ANTXR1: variants seen among roughly 807,000 people sequenced by gnomAD.
The protein encoded by ANTXR1 is ANTXR cell adhesion molecule 1.
A neutral mutation model predicts 78.1 loss-of-function variants in ANTXR1; 19 were observed. The observed-to-expected ratio is 0.24, with a 90% CI of 0.17 to 0.36. ANTXR1 has a LOEUF of 0.36. Among genes scored for constraint, ANTXR1 ranks in the 10% least tolerant of loss-of-function variants. The pLI is 1.00. For missense variants in ANTXR1, 518 were observed against 718.6 expected, an observed-to-expected ratio of 0.72 and a Z score of 3.19; for synonymous variants, 273 against 260.5, an observed-to-expected ratio of 1.05 and a Z score of -0.46.
chr2:69,227,328 G>A (rs1367791573), intron 17 of ANTXR1, among the ~76,000 whole-genome samples: 3 of 152,232 alleles, frequency 2.0e-5, no homozygotes, highest in African/African-American at 4.8e-5. Flanking sequence ...AGGCTTCTGG[G>A]AGCCAGCTGG....
chr2:69,102,431 G>A (rs1277958381), intron 9 of ANTXR1, among the ~76,000 whole-genome samples: 1 of 152,242 alleles, frequency 6.6e-6, no homozygotes, highest in Non-Finnish European at 1.5e-5. Flanking sequence ...GTGCAAAACA[G>A]ACACAGAGGA....
chr2:69,155,646 T>C (rs777218613), intron 13 of ANTXR1, among the ~76,000 whole-genome samples: 1 of 152,192 alleles, frequency 6.6e-6, no homozygotes, highest in African/African-American at 2.4e-5. Flanking sequence ...ATGTTATGAA[T>C]GGCTTGAATG....
intron 1 of ANTXR1, among the ~76,000 whole-genome samples, chr2:69,032,253 T>C (rs1671550309): frequency 6.6e-6 from 1 of 152,130 alleles, no homozygotes; most frequent in Non-Finnish European, 1.5e-5. Context: ...ATACACAAAG[T>C]GAAGATGCTT....
At chr2:69,133,254 AAAC>A (rs1194694255) in intron 12 of ANTXR1, among the ~76,000 whole-genome samples, 3 of 152,212 alleles carry the variant, frequency 2.0e-5, no homozygotes, top group Non-Finnish European at 4.4e-5. Context: ...CAATACCAGG[AAAC>A]AACCTCTGAA....
chr2:69,163,839 G>A (rs955210340), intron 13 of ANTXR1, among the ~76,000 whole-genome samples: 16 of 152,276 alleles, frequency 1.1e-4, no homozygotes, highest in African/African-American at 3.6e-4. Flanking sequence ...CAGTGGCGCC[G>A]AATACTGTCA....
At chr2:69,183,589 T>TG (rs1674338471) in intron 16 of ANTXR1, among the ~76,000 whole-genome samples, 1 of 138,126 alleles carries the variant, frequency 7.2e-6, no homozygotes, top group Non-Finnish European at 1.5e-5. Flanking sequence ...TTTTTTTTTT[T>TG]TTTTTTTTTT....
At chr2:69,201,457 CAG>C (rs1674770591) in intron 17 of ANTXR1, among the ~76,000 whole-genome samples, 1 of 152,164 alleles carries the variant, frequency 6.6e-6, no homozygotes, top group Non-Finnish European at 1.5e-5. Context: ...CCTGCTCTGC[CAG>C]CCTGACGAGG....
At chr2:69,224,036 G>A (rs1035186040) in intron 17 of ANTXR1, among the ~76,000 whole-genome samples, 3 of 152,162 alleles carry the variant, frequency 2.0e-5, no homozygotes, top group Admixed American at 1.3e-4. Flanking sequence ...GCATGGCCAG[G>A]GCCCCTGAGT....
At chr2:69,155,395 A>G (rs928510729) in intron 13 of ANTXR1, among the ~76,000 whole-genome samples, 2 of 152,144 alleles carry the variant, frequency 1.3e-5, no homozygotes, top group Non-Finnish European at 2.9e-5. Context: ...CGCATTTTCA[A>G]ATAGGTAATT....
rs1450812938 is a variant in ANTXR1 at position 69,245,507 on chromosome 2, G to A, written c.*22G>A. 3 of 1,613,170 alleles carry A rather than the reference G, an allele frequency of 1.9e-6. No homozygotes were observed. Among genetic ancestry groups the A allele is most frequent in the South Asian group, 1.1e-5 (1 of 90,974 alleles). ...CTAGAGCCCAAAGTTCCTGCTCTGG[G>A]CTCTCTCAGAAACTTCAGGAGATGT... On this transcript the variant is annotated 3_prime_UTR_variant, in exon 18 of 18. Transcript: ENST00000303714.
intron 13 of ANTXR1, among the ~76,000 whole-genome samples, chr2:69,160,383 T>C (rs915057032): frequency 4.0e-5 from 6 of 151,842 alleles, no homozygotes; most frequent in Non-Finnish European, 7.4e-5. Flanking sequence ...CCTCTTCTGG[T>C]TAAAGGATTA....
chr2:69,035,420 G>T (rs111784584), intron 1 of ANTXR1, among the ~76,000 whole-genome samples: 33 of 152,292 alleles, frequency 2.2e-4, no homozygotes, highest in African/African-American at 7.9e-4. Context: ...CTGCATGTGT[G>T]GGTTAAGAAG....
chr2:69,049,013 A>C (rs996303254), intron 3 of ANTXR1, among the ~76,000 whole-genome samples: 10 of 152,058 alleles, frequency 6.6e-5, no homozygotes, highest in African/African-American at 1.9e-4. Flanking sequence ...CTAATTGTCA[A>C]CATTTTTTTC....
At chr2:69,177,776 C>T (rs766413583) in intron 14 of ANTXR1, among the ~76,000 whole-genome samples, 4 of 152,174 alleles carry the variant, frequency 2.6e-5, no homozygotes, top group Non-Finnish European at 5.9e-5. Context: ...CAGCCCACAA[C>T]CCCTGACGGA....
chr2:69,206,083 A>AG (rs1444447604), intron 17 of ANTXR1, among the ~76,000 whole-genome samples: 1 of 152,094 alleles, frequency 6.6e-6, no homozygotes, highest in Non-Finnish European at 1.5e-5. Flanking sequence ...GTGATGACAG[A>AG]GCTAGTTGTG....
intron 13 of ANTXR1, 143 bp downstream of exon 13, chr2:69,152,407 T>C: frequency 1.2e-6 from 1 of 845,146 alleles, no homozygotes; most frequent in Non-Finnish European, 1.9e-6. Context: ...AAAATTGATG[T>C]GAACTGACAT....
rs562875894 is a variant in ANTXR1, at chr2:69,232,617, A to T, written c.1435-12608A>T. On this transcript the variant is annotated intron_variant, in intron 17 of 17. Transcript: ENST00000303714. ...CCTAGAAAATAATGACAATTGGAAC[A>T]TCTCAATAAAAACTTGTGGGATTTG... Among the ~76,000 whole-genome samples the T allele has an allele frequency of 3.9e-5, 6 of 152,280 alleles. No individual in the cohort carries two copies. In the East Asian group the frequency reaches 1.2e-3, roughly 29 times the overall value.
intron 17 of ANTXR1, among the ~76,000 whole-genome samples, chr2:69,238,021 T>C (rs777949842): frequency 6.6e-6 from 1 of 152,180 alleles, no homozygotes; most frequent in Non-Finnish European, 1.5e-5. Flanking sequence ...GAAGGATCTT[T>C]ATGAAACAGA....
Position 69,084,591 on chromosome 2 carries a change from G to GTT in ANTXR1, c.643-6247_643-6246dup, listed in dbSNP as rs10708895. ...AATATTCCATATTTGTATTTGTAAA[G>GTT]TTTTTTTTTTTTTTTTTTTTTTAGA... On this transcript the variant is annotated intron_variant, in intron 8 of 17. Transcript: ENST00000303714. Among the ~76,000 whole-genome samples, 223 of 109,090 alleles carry GTT rather than the reference G, an allele frequency of 2.0e-3. 2 individuals carry two copies. Among genetic ancestry groups the GTT allele is most frequent in the South Asian group, 7.4e-3 (24 of 3,240 alleles). 71.6% of individuals were successfully genotyped at this position (109,090 alleles called of 152,430 possible).
Sources: allele counts gnomAD v4.1 joint callset (sites outside exome capture counted in the v4.1 genomes callset), GRCh38; gene constraint gnomAD v4.1.1; transcripts MANE v1.5; gene names NCBI Gene and HGNC (gene_info 2026-07-23, HGNC 2026-07-21).